PACRG: variants seen among roughly 807,000 people sequenced by gnomAD.
PACRG encodes the protein parkin coregulated, also known as parkin coregulated gene protein.
Under a neutral mutation model 29.7 loss-of-function variants are expected in PACRG, and 29 were observed. The ratio of observed to expected loss-of-function variants is 0.98; its 90% CI spans 0.73 to 1.33. The LOEUF (loss-of-function observed/expected upper bound fraction) is 1.33, where lower values mean the gene tolerates loss of function less well. Ranked by LOEUF, PACRG falls within the 40% of genes most tolerant of loss-of-function variation. The pLI is 0.00. For synonymous variants in PACRG, 116 were observed against 118.7 expected (o/e 0.98, Z 0.15); for missense variants, 279 against 316.2 (o/e 0.88, Z 0.89).
chr6:162,793,334 C>T (rs772180413), intron 1 of PACRG, among the ~76,000 whole-genome samples: 15 of 152,224 alleles, frequency 9.9e-5, no homozygotes, highest in African/African-American at 3.4e-4. Context: ...GGAATGCAAT[C>T]GCTTGGCCAC....
At chr6:163,220,255 A>G (rs1309041305) in intron 4 of PACRG, among the ~76,000 whole-genome samples, 1 of 152,108 alleles carries the variant, frequency 6.6e-6, no homozygotes, top group African/African-American at 2.4e-5. Flanking sequence ...CCATCTTTTT[A>G]GTAATTATGC....
intron 4 of PACRG, among the ~76,000 whole-genome samples, chr6:163,137,040 TTAAC>T (rs531851690): frequency 4.1e-4 from 62 of 152,372 alleles, no homozygotes; most frequent in Non-Finnish European, 7.2e-4. Flanking sequence ...ATTTTTTACT[TTAAC>T]TATTCTGAGA....
intron 4 of PACRG, among the ~76,000 whole-genome samples, chr6:163,171,439 C>T (rs1779079260): frequency 6.6e-6 from 1 of 152,136 alleles, no homozygotes; most frequent in Admixed American, 6.5e-5. Context: ...CTCCGTGAGG[C>T]AGGTATGACT....
At chr6:163,039,618 G>A (rs1174419162) in intron 2 of PACRG, among the ~76,000 whole-genome samples, 2 of 152,212 alleles carry the variant, frequency 1.3e-5, no homozygotes, top group Non-Finnish European at 2.9e-5. Context: ...ATTGGGAACT[G>A]AAGCAAAGGT....
intron 4 of PACRG, among the ~76,000 whole-genome samples, chr6:163,144,349 C>CAT (rs1247911431): frequency 2.1e-5 from 2 of 97,368 alleles, no homozygotes; most frequent in African/African-American, 9.5e-5. Context: ...CACATACATA[C>CAT]ACACACACAC....
chr6:162,947,523 CATAT>C lies in PACRG; in HGVS notation c.292-114621_292-114618del, dbSNP rs1213125677. On this transcript the variant is annotated intron_variant, in intron 2 of 4. Transcript: ENST00000366888. ...TATATATATAATCTATATATATAAT[CATAT>C]ATATACTCATATATAATCATATATA... is the stretch of plus-strand genomic sequence containing the variant. Among the ~76,000 whole-genome samples, 9 of 91,604 alleles carry C rather than the reference CATAT, an allele frequency of 9.8e-5. 1 individual carries two copies. The highest frequency in any genetic ancestry group is 1.4e-4 in the Non-Finnish European group (7 of 48,564). 60.1% of individuals were successfully genotyped at this position (91,604 alleles called of 152,430 possible). A position where few individuals can be genotyped will look rare whatever the true frequency, so the allele number is the denominator to read the frequency against.
chr6:162,762,173 A>G (rs985050838), intron 1 of PACRG, among the ~76,000 whole-genome samples: 9 of 152,156 alleles, frequency 5.9e-5, no homozygotes, highest in Admixed American at 1.3e-4. Flanking sequence ...TCCGTGTGGC[A>G]CTGGAAACAT....
chr6:162,960,393 G>T (rs2128143164), intron 2 of PACRG, among the ~76,000 whole-genome samples: 1 of 152,218 alleles, frequency 6.6e-6, no homozygotes, highest in Non-Finnish European at 1.5e-5. Context: ...AAGAAAATGT[G>T]GTACATATAC....
At chr6:162,806,132 G>T (rs547604148) in intron 1 of PACRG, among the ~76,000 whole-genome samples, 3 of 148,280 alleles carry the variant, frequency 2.0e-5, no homozygotes, top group African/African-American at 7.5e-5. Flanking sequence ...TTTTTAGATC[G>T]AGTTTCACTC....
At chr6:163,257,932 A>G (rs899371074) in intron 4 of PACRG, among the ~76,000 whole-genome samples, 3 of 152,150 alleles carry the variant, frequency 2.0e-5, no homozygotes, top group African/African-American at 7.2e-5. Context: ...TTATTGAATC[A>G]TTTTATTAAA....
At chr6:163,079,283 G>A (rs1380813929) in intron 3 of PACRG, among the ~76,000 whole-genome samples, 1 of 151,886 alleles carries the variant, frequency 6.6e-6, no homozygotes, top group Non-Finnish European at 1.5e-5. Flanking sequence ...CCAAGTTACA[G>A]TAAAAACTTT....
intron 2 of PACRG, among the ~76,000 whole-genome samples, chr6:162,851,840 A>G (rs1490994671): frequency 1.3e-5 from 2 of 152,228 alleles, no homozygotes; most frequent in African/African-American, 4.8e-5. Flanking sequence ...GTATTTATAC[A>G]TAGACACCAC....
rs185605648 is a variant in PACRG at position 162,852,853 on chromosome 6, T to C, written c.291+38572T>C. The stretch of plus-strand genomic sequence containing the variant: ...CAATTCATTAATCAATAATTCTTTT[T>C]AGTGATCTCATCACTGATAAACTGT... On this transcript the variant is annotated intron_variant, in intron 2 of 4. Coordinates refer to ENST00000366888, the MANE Select transcript of PACRG (RefSeq NM_001080379.2). Among the ~76,000 whole-genome samples, 7 of 152,354 alleles carry C rather than the reference T, an allele frequency of 4.6e-5. No individual in the cohort carries two copies. In the East Asian group the frequency reaches 1.4e-3, roughly 29 times the overall value.
intron 2 of PACRG, among the ~76,000 whole-genome samples, chr6:162,953,750 T>C (rs567850865): frequency 6.6e-6 from 1 of 151,530 alleles, no homozygotes; most frequent in East Asian, 2.0e-4. Context: ...TAGCAAATGT[T>C]AAGCATCCAT....
At chr6:162,756,124 G>T (rs1285543200) in intron 1 of PACRG, among the ~76,000 whole-genome samples, 2 of 152,094 alleles carry the variant, frequency 1.3e-5, no homozygotes, top group Admixed American at 1.3e-4. Context: ...TTCTGCTCTT[G>T]TTGGATGGAA....
At chr6:163,098,549 A>C (rs1236532393) in intron 4 of PACRG, among the ~76,000 whole-genome samples, 1 of 152,162 alleles carries the variant, frequency 6.6e-6, no homozygotes, top group Non-Finnish European at 1.5e-5. Flanking sequence ...AGTTGGGACA[A>C]CTGGCTTTTG....
intron 2 of PACRG, among the ~76,000 whole-genome samples, chr6:162,815,345 G>T (rs1225523952): frequency 1.3e-5 from 2 of 150,600 alleles, no homozygotes; most frequent in Non-Finnish European, 3.0e-5. Flanking sequence ...TTAAAAAGGT[G>T]CATTAAAATT....
rs139838830 is a variant in PACRG, at chr6:162,782,363, C to T, written c.157-31784C>T. Among the ~76,000 whole-genome samples the T allele has an allele frequency of 4.7e-3, 711 of 151,922 alleles. 5 individuals carry two copies. The highest frequency in any genetic ancestry group is 0.016 in the African/African-American group (678 of 41,522). On this transcript the variant is annotated intron_variant, in intron 1 of 4. Coordinates refer to ENST00000366888, the MANE Select transcript of PACRG (RefSeq NM_001080379.2). ...GGATGTAGGCAATTATTATAACAAA[C>T]ATTTTTTATTACAAAAGATGTGAAA...
intron 2 of PACRG, among the ~76,000 whole-genome samples, chr6:162,828,661 C>G (rs934176404): frequency 1.2e-4 from 19 of 152,088 alleles, no homozygotes; most frequent in African/African-American, 4.6e-4. Context: ...GGATATAGCA[C>G]CCTTTTGTGG....
Sources: allele counts gnomAD v4.1 joint callset (sites outside exome capture counted in the v4.1 genomes callset), GRCh38; gene constraint gnomAD v4.1.1; transcripts MANE v1.5; gene names NCBI Gene and HGNC (gene_info 2026-07-23, HGNC 2026-07-21).